SSBP3: variants seen among roughly 807,000 people sequenced by gnomAD.
SSBP3 encodes the protein single-stranded DNA-binding protein 3.
A neutral mutation model predicts 69.6 loss-of-function variants in SSBP3; 5 were observed. The observed-to-expected ratio is 0.07, with a 90% confidence interval of 0.04 to 0.15. SSBP3 has a LOEUF of 0.15. Among genes scored for constraint, SSBP3 ranks in the 10% least tolerant of loss-of-function variants. The pLI, the probability that SSBP3 is intolerant of heterozygous loss-of-function variation, is 1.00. For synonymous variants in SSBP3, 196 were observed against 193.4 expected (o/e 1.01, Z -0.11); for missense variants, 312 against 534.0 (o/e 0.58, Z 4.10).
intron 7 of SSBP3, among the ~76,000 whole-genome samples, chr1:54,255,158 CGGGGGGGGGGGT>C (rs1324676553): frequency 1.6e-5 from 1 of 63,398 alleles, no homozygotes; most frequent in Non-Finnish European, 3.4e-5. Flanking sequence ...TGCGGGGGGG[CGGGGGGGGGGGT>C]GGTTGGCAGG....
intron 4 of SSBP3, among the ~76,000 whole-genome samples, chr1:54,354,791 C>T (rs1361460819): frequency 6.6e-6 from 1 of 152,200 alleles, no homozygotes; most frequent in African/African-American, 2.4e-5. Flanking sequence ...TGAACCTGGG[C>T]CTAATGTAAC....
At chr1:54,228,545 T>C in intron 15 of SSBP3, 68 bp from the exon 16 acceptor site, 1 of 1,601,112 alleles carries the variant, frequency 6.2e-7, no homozygotes, top group Non-Finnish European at 8.5e-7. Flanking sequence ...CCCCTCGTCC[T>C]GGGCTCCTCG....
At chr1:54,313,758 C>T (rs183682492) in intron 4 of SSBP3, among the ~76,000 whole-genome samples, 4 of 151,562 alleles carry the variant, frequency 2.6e-5, no homozygotes, top group African/African-American at 9.7e-5. Context: ...AGGAGGGAGA[C>T]TAGGATTTTT....
chr1:54,252,046 G>A (rs542099124), intron 7 of SSBP3, among the ~76,000 whole-genome samples, 186 bp from the exon 8 acceptor site: 45 of 152,340 alleles, frequency 3.0e-4, no homozygotes, highest in African/African-American at 1.1e-3. Context: ...TGGAAGTGGT[G>A]TTAGCTATAA....
At chr1:54,266,562 C>A (rs942816353) in intron 5 of SSBP3, among the ~76,000 whole-genome samples, 1 of 152,074 alleles carries the variant, frequency 6.6e-6, no homozygotes, top group Non-Finnish European at 1.5e-5. Context: ...GTCCTCAAGA[C>A]TGAAGAGGGA....
At chr1:54,236,119 AT>A (rs147285753) in intron 14 of SSBP3, among the ~76,000 whole-genome samples, 42,710 of 150,158 alleles carry the variant, frequency 0.28, 6,093 homozygotes, top group Non-Finnish European at 0.31. Context: ...GTGTTTATGT[AT>A]TTTTTTTTTC....
chr1:54,267,337 C>T (rs1645119210), intron 5 of SSBP3, among the ~76,000 whole-genome samples: 1 of 152,222 alleles, frequency 6.6e-6, no homozygotes, highest in Admixed American at 6.5e-5. Context: ...ATCTGGCAGT[C>T]ACTCTAACTG....
intron 4 of SSBP3, among the ~76,000 whole-genome samples, chr1:54,301,301 G>A (rs1645796538): frequency 6.6e-6 from 1 of 152,136 alleles, no homozygotes; most frequent in South Asian, 2.1e-4. Flanking sequence ...CAATAAAGCG[G>A]TGTTGAAGAC....
chr1:54,388,132 C>T (rs1201430515), intron 4 of SSBP3, among the ~76,000 whole-genome samples: 1 of 152,038 alleles, frequency 6.6e-6, no homozygotes, highest in African/African-American at 2.4e-5. Flanking sequence ...CTGTCACTGA[C>T]ATTTTTTTTT....
chr1:54,319,908 G>A (rs1646183227), intron 4 of SSBP3, among the ~76,000 whole-genome samples: 1 of 152,146 alleles, frequency 6.6e-6, no homozygotes, highest in African/African-American at 2.4e-5. Context: ...GACTAATGCT[G>A]GAGAAACTGG....
intron 4 of SSBP3, among the ~76,000 whole-genome samples, chr1:54,325,955 C>G (rs931575362): frequency 3.3e-5 from 5 of 151,942 alleles, no homozygotes; most frequent in Admixed American, 6.6e-5. Context: ...GCAGCTCCCC[C>G]CCGCCACCCC....
At chr1:54,311,821 T>C (rs2100284670) in intron 4 of SSBP3, among the ~76,000 whole-genome samples, 1 of 152,246 alleles carries the variant, frequency 6.6e-6, no homozygotes, top group African/African-American at 2.4e-5. Context: ...AAATAGTCCT[T>C]GTATGACTCT....
intron 4 of SSBP3, among the ~76,000 whole-genome samples, chr1:54,296,593 C>T (rs17110296): frequency 0.059 from 8,953 of 152,244 alleles, 864 homozygotes; most frequent in African/African-American, 0.2. Flanking sequence ...GTCTGGAATC[C>T]GGTTTTCCCA....
Position 54,228,493 on chromosome 1 carries a change from A to G in SSBP3, c.1007-16T>C. The G allele has an allele frequency of 6.2e-7, 1 of 1,614,156 alleles. No individual in the cohort carries two copies. The highest frequency in any genetic ancestry group is 8.5e-7 in the Non-Finnish European group (1 of 1,180,032). On this transcript the variant is annotated splice_polypyrimidine_tract_variant and intron_variant, in intron 15 of 17. Transcript: ENST00000610401. ...TCGCCTGACCCTGGAAAGAAAAAAT[A>G]ATCCAATTCAGTTTCTTGCTTGCTC...
chr1:54,274,598 A>G (rs1645251872), intron 5 of SSBP3, among the ~76,000 whole-genome samples: 1 of 152,044 alleles, frequency 6.6e-6, no homozygotes, highest in Non-Finnish European at 1.5e-5. Context: ...AACATCCACT[A>G]GAGGCCACCA....
chr1:54,370,748 A>G (rs188501858), intron 4 of SSBP3, among the ~76,000 whole-genome samples: 14 of 152,266 alleles, frequency 9.2e-5, no homozygotes, highest in African/African-American at 2.6e-4. Flanking sequence ...CTTCTCCACA[A>G]GAGTGGCCCT....
intron 4 of SSBP3, among the ~76,000 whole-genome samples, chr1:54,327,423 C>A (rs1472435612): frequency 1.3e-5 from 2 of 152,188 alleles, no homozygotes; most frequent in African/African-American, 2.4e-5. Context: ...CTGTCCACTT[C>A]CCCCTCTGCA....
intron 5 of SSBP3, among the ~76,000 whole-genome samples, chr1:54,272,247 T>C (rs1465116202): frequency 6.6e-6 from 1 of 152,016 alleles, no homozygotes; most frequent in Non-Finnish European, 1.5e-5. Context: ...TCCCTGCACT[T>C]AGAACAGTGC....
chr1:54,338,450 C>A (rs1025386731), intron 4 of SSBP3, among the ~76,000 whole-genome samples: 1 of 152,170 alleles, frequency 6.6e-6, no homozygotes, highest in African/African-American at 2.4e-5. Flanking sequence ...CATGGCTGCC[C>A]GCCTATGCTT....
Sources: allele counts gnomAD v4.1 joint callset (sites outside exome capture counted in the v4.1 genomes callset), GRCh38; gene constraint gnomAD v4.1.1; transcripts MANE v1.5; gene names NCBI Gene and HGNC (gene_info 2026-07-23, HGNC 2026-07-21).